The following PCDH9 variants were observed in gnomAD, a reference collection of about 807,000 sequenced individuals.
PCDH9 encodes protocadherin 9.
In PCDH9, 24 loss-of-function variants were observed where a neutral mutation model predicts 70.6. The observed-to-expected ratio is 0.34, with a 90% CI of 0.25 to 0.48. The LOEUF is 0.48. Ranked by LOEUF, PCDH9 falls within the 20% of genes least tolerant of loss-of-function variation. The pLI, the probability that PCDH9 is intolerant of heterozygous loss-of-function variation, is 0.99. For synonymous variants in PCDH9, 562 were observed against 558.5 expected, an observed-to-expected ratio of 1.01 and a Z score of -0.09; for missense variants, 1,281 against 1,503.6, an observed-to-expected ratio of 0.85 and a Z score of 2.45.
intron 3 of PCDH9, among the ~76,000 whole-genome samples, chr13:66,883,218 A>C (rs2139543419): frequency 6.6e-6 from 1 of 152,280 alleles, no homozygotes; most frequent in Non-Finnish European, 1.5e-5. Flanking sequence ...ATGTTCAATT[A>C]TTTCTAGAGG....
At chr13:66,429,953 A>G (rs1484822983) in intron 4 of PCDH9, among the ~76,000 whole-genome samples, 1 of 152,052 alleles carries the variant, frequency 6.6e-6, no homozygotes. Flanking sequence ...CCCATAAGGT[A>G]TGTATATCAG....
chr13:66,631,561 T>A, intron 3 of PCDH9, 150 bp from the exon 4 acceptor site: 1 of 590,614 alleles, frequency 1.7e-6, no homozygotes, highest in Non-Finnish European at 3.0e-6. Flanking sequence ...CAAGTATTAA[T>A]TACTTGCCAT....
At position 67,145,889 on chromosome 13, in the gene PCDH9, A is replaced by C. The variant is rs1025616381; in HGVS notation, c.3036+79516T>G. Among the ~76,000 whole-genome samples the C allele has an allele frequency of 1.4e-4, 22 of 152,110 alleles. 1 individual carries two copies. Among genetic ancestry groups the C allele is most frequent in the Admixed American group, 1.3e-3 (20 of 15,262 alleles). ...TATATCTGTCAATAAAATGACACCA[A>C]AATCATATTTTATAAAGATTTTATA... On this transcript the variant is annotated intron_variant, in intron 2 of 4. Transcript: ENST00000377865.
intron 4 of PCDH9, among the ~76,000 whole-genome samples, chr13:66,518,730 A>T (rs1427271046): frequency 6.6e-6 from 1 of 152,124 alleles, no homozygotes; most frequent in Non-Finnish European, 1.5e-5. Flanking sequence ...GGTGGTGGTA[A>T]TAAGTTGTTT....
At chr13:66,480,690 G>C (rs1958819937) in intron 4 of PCDH9, among the ~76,000 whole-genome samples, 1 of 152,132 alleles carries the variant, frequency 6.6e-6, no homozygotes, top group Admixed American at 6.5e-5. Flanking sequence ...GGACAAATAG[G>C]AACACTTTTA....
intron 3 of PCDH9, among the ~76,000 whole-genome samples, chr13:66,841,425 G>C (rs1011483187): frequency 6.6e-6 from 1 of 152,112 alleles, no homozygotes; most frequent in African/African-American, 2.4e-5. Context: ...ATATGCTATT[G>C]AAAATAAATT....
chr13:66,550,005 A>T lies in PCDH9; in HGVS notation c.3340+81205T>A, dbSNP rs770216567. 7.9e-5 allele frequency among the ~76,000 whole-genome samples: 12 copies of T among 152,292 alleles called. No homozygotes were observed. In the East Asian group the frequency reaches 2.3e-3, roughly 29 times the overall value. On this transcript the variant is annotated intron_variant, in intron 4 of 4. Transcript: ENST00000377865. ...TGAAAAAAATACAATATCTCATCTA[A>T]AAACTCACCTTCTATATTTAGCCCA...
At chr13:66,489,732 T>A (rs1959003112) in intron 4 of PCDH9, among the ~76,000 whole-genome samples, 1 of 152,200 alleles carries the variant, frequency 6.6e-6, no homozygotes, top group South Asian at 2.1e-4. Context: ...CATGATTTTC[T>A]TGTTCCCACA....
At chr13:66,591,409 T>A (rs1324837286) in intron 4 of PCDH9, among the ~76,000 whole-genome samples, 2 of 150,422 alleles carry the variant, frequency 1.3e-5, no homozygotes, top group Non-Finnish European at 3.0e-5. Context: ...GGTATAGCAG[T>A]ATGGAAAATA....
chr13:66,970,057 G>A (rs912785891), intron 2 of PCDH9, among the ~76,000 whole-genome samples: 1 of 151,856 alleles, frequency 6.6e-6, no homozygotes, highest in Non-Finnish European at 1.5e-5. Context: ...TCTGAAAGAG[G>A]AAATGGAAAA....
Position 67,162,968 on chromosome 13 carries a change from T to C in PCDH9, c.3036+62437A>G, listed in dbSNP as rs373237362. ...TCATGTATGTACTTTTGCAGCTCTT[T>C]ATTTGCGATCCAGTTCTTCCACATT... On this transcript the variant is annotated intron_variant, in intron 2 of 4. Coordinates refer to ENST00000377865, the MANE Select transcript of PCDH9 (RefSeq NM_203487.3). 1.3e-4 allele frequency among the ~76,000 whole-genome samples: 20 copies of C among 152,312 alleles called. No individual in the cohort carries two copies. In the East Asian group the frequency reaches 2.9e-3, roughly 22 times the overall value.
chr13:66,614,012 G>A (rs2077325833), intron 4 of PCDH9, among the ~76,000 whole-genome samples: 1 of 152,024 alleles, frequency 6.6e-6, no homozygotes, highest in African/African-American at 2.4e-5. Context: ...GGAGACATGT[G>A]GAAGTAACCA....
At chr13:66,737,027 C>T (rs959009956) in intron 3 of PCDH9, among the ~76,000 whole-genome samples, 2 of 151,972 alleles carry the variant, frequency 1.3e-5, no homozygotes, top group African/African-American at 4.8e-5. Flanking sequence ...TTTCCATCTC[C>T]CATGAAACGC....
At chr13:66,392,004 T>A (rs566753195) in intron 4 of PCDH9, among the ~76,000 whole-genome samples, 2 of 151,698 alleles carry the variant, frequency 1.3e-5, no homozygotes, top group East Asian at 3.9e-4. Context: ...GAAAACAATA[T>A]ATTAATATAC....
intron 4 of PCDH9, among the ~76,000 whole-genome samples, chr13:66,499,999 C>G (rs935103020): frequency 5.3e-5 from 8 of 152,192 alleles, no homozygotes; most frequent in Non-Finnish European, 7.3e-5. Context: ...TGCCATGCTT[C>G]TTGTACAGCC....
At chr13:67,219,785 T>C (rs2089684716) in intron 2 of PCDH9, 1 of 151,998 alleles carries the variant, frequency 6.6e-6, no homozygotes, top group Non-Finnish European at 1.5e-5. Flanking sequence ...ATTTGTACTT[T>C]CCAACTCAGT....
intron 2 of PCDH9, among the ~76,000 whole-genome samples, chr13:67,133,249 G>A (rs904377429): frequency 6.6e-6 from 1 of 152,056 alleles, no homozygotes; most frequent in African/African-American, 2.4e-5. Context: ...TAATTTTGAT[G>A]GGCCTTAAAC....
At chr13:66,353,167 T>C (rs565580072) in intron 4 of PCDH9, among the ~76,000 whole-genome samples, 19 of 152,310 alleles carry the variant, frequency 1.2e-4, no homozygotes, top group Middle Eastern at 3.4e-3. Flanking sequence ...TATAGTTTCC[T>C]TAAAATACAT....
chr13:66,594,416 G>GT (rs1566443901), intron 4 of PCDH9, among the ~76,000 whole-genome samples: 1 of 151,642 alleles, frequency 6.6e-6, no homozygotes, highest in South Asian at 2.1e-4. Context: ...GATGAGCCCA[G>GT]ATTATAATTG....
Sources: gnomAD v4.1 joint callset for allele counts (sites outside exome capture counted in the v4.1 genomes callset) on GRCh38, gnomAD v4.1.1 for gene constraint, MANE v1.5 for transcripts, NCBI Gene and HGNC (gene_info 2026-07-23, HGNC 2026-07-21) for gene names.